ACP3: variants seen among roughly 807,000 people sequenced by gnomAD.
ACP3 encodes the protein acid phosphatase 3, also known as prostatic acid phosphatase.
Under a neutral mutation model 45.6 loss-of-function variants are expected in ACP3, and 38 were observed. The ratio of observed to expected loss-of-function variants is 0.83; its 90% CI spans 0.64 to 1.09. The LOEUF is 1.09. Ranked by LOEUF, ACP3 falls within the 50% of genes least tolerant of loss-of-function variation. ACP3 has a pLI of 0.00. For missense variants in ACP3, 466 were observed against 463.2 expected (o/e 1.01, Z -0.05); for synonymous variants, 162 against 164.7 (o/e 0.98, Z 0.13).
At chr3:132,350,476 CA>C (rs1225315264) in intron 8 of ACP3, among the ~76,000 whole-genome samples, 1 of 152,110 alleles carries the variant, frequency 6.6e-6, no homozygotes, top group Non-Finnish European at 1.5e-5. Flanking sequence ...CTGTGCTGCT[CA>C]ATATGGAACC....
chr3:132,326,373 T>C (rs2107795011), intron 1 of ACP3, among the ~76,000 whole-genome samples: 1 of 152,344 alleles, frequency 6.6e-6, no homozygotes, highest in East Asian at 1.9e-4. Flanking sequence ...TGTACTTCAA[T>C]TGTGGAAAGA....
At chr3:132,335,894 T>C (rs1420244110) in intron 4 of ACP3, among the ~76,000 whole-genome samples, 1 of 152,160 alleles carries the variant, frequency 6.6e-6, no homozygotes, top group Non-Finnish European at 1.5e-5. Flanking sequence ...TTAGGTAAAA[T>C]GGAAAGCCAA....
chr3:132,360,944 A>G (rs1384792959), downstream of ACP3, among the ~76,000 whole-genome samples: 1 of 152,196 alleles, frequency 6.6e-6, no homozygotes, highest in East Asian at 1.9e-4. Flanking sequence ...CTGCATACCT[A>G]GCATGGCTTC....
chr3:132,358,608 G>A lies in ACP3; in HGVS notation c.*1730G>A. The A allele has an allele frequency of 9.3e-7, 1 of 1,070,460 alleles. No individual in the cohort carries two copies. The highest frequency in any genetic ancestry group is 1.1e-6 in the Non-Finnish European group (1 of 871,694). 66.3% of individuals were successfully genotyped at this position (1,070,460 alleles called of 1,614,324 possible). A position where few individuals can be genotyped will look rare whatever the true frequency, so the allele number is the denominator to read the frequency against. The stretch of plus-strand genomic sequence containing the variant: ...CCCCGCTCCTGGTTGGTCACAGAAT[G>A]ACTGACAAAGACATCGATTGATATG... On this transcript the variant is annotated 3_prime_UTR_variant, in exon 10 of 10. Transcript: ENST00000336375.
At chr3:132,358,883 T>C, downstream of ACP3, 3 of 982,774 alleles carry the variant, frequency 3.1e-6, no homozygotes, top group Non-Finnish European at 3.6e-6. Context: ...TATAACAAGA[T>C]GGAAAATATT....
At chr3:132,326,847 T>C (rs1053585360) in intron 1 of ACP3, among the ~76,000 whole-genome samples, 2 of 152,244 alleles carry the variant, frequency 1.3e-5, no homozygotes, top group Admixed American at 6.5e-5. Flanking sequence ...CAAGGTGTTA[T>C]GCAGCTGTCT....
intron 7 of ACP3, 142 bp from the exon 8 acceptor site, chr3:132,349,778 G>C (rs1344168698): frequency 6.4e-6 from 4 of 628,052 alleles, no homozygotes; most frequent in Admixed American, 2.8e-5. Flanking sequence ...GCACAGAGCA[G>C]ATGCTCAATA....
At chr3:132,349,287 A>T (rs1216343453) in intron 7 of ACP3, among the ~76,000 whole-genome samples, 1 of 152,222 alleles carries the variant, frequency 6.6e-6, no homozygotes. Flanking sequence ...TCTACTGAAG[A>T]CAGACAGAAA....
intron 4 of ACP3, among the ~76,000 whole-genome samples, chr3:132,335,992 G>A (rs535661782): frequency 5.7e-4 from 87 of 152,322 alleles, no homozygotes; most frequent in African/African-American, 1.9e-3. Flanking sequence ...CGGGCGCGGT[G>A]GCTCACGCCT....
intron 9 of ACP3, among the ~76,000 whole-genome samples, chr3:132,356,337 G>A (rs548746491): frequency 6.6e-6 from 1 of 152,034 alleles, no homozygotes; most frequent in African/African-American, 2.4e-5. Flanking sequence ...GGGAGGAGGA[G>A]AAGGAAAACC....
At chr3:132,348,185 T>A (rs942360203) in intron 7 of ACP3, among the ~76,000 whole-genome samples, 1 of 152,170 alleles carries the variant, frequency 6.6e-6, no homozygotes, top group African/African-American at 2.4e-5. Context: ...AGACTAGAAA[T>A]GAAGGAAGCA....
At chr3:132,321,512 C>T (rs758964546) in intron 1 of ACP3, among the ~76,000 whole-genome samples, 1 of 152,118 alleles carries the variant, frequency 6.6e-6, no homozygotes, top group South Asian at 2.1e-4. Flanking sequence ...GAAACAGCAC[C>T]GTGCGCTGAG....
Position 132,366,131 on chromosome 3 carries a change from T to A in ACP3, c.1139-1573T>A, listed in dbSNP as rs553971923. Among the ~76,000 whole-genome samples, 3 of 151,972 alleles carry A rather than the reference T, an allele frequency of 2.0e-5. No homozygotes were observed. The East Asian group carries it at 5.8e-4, about 29-fold the overall frequency. ...GCCCGGGCAACATGACAAAACCCCA[T>A]CTCTACAAATAATACAAAAATTAGC... On this transcript the variant is annotated intron_variant, in intron 10 of 10. Transcript: ENST00000351273.
intron 1 of ACP3, among the ~76,000 whole-genome samples, chr3:132,322,206 G>A (rs932851668): frequency 6.6e-6 from 1 of 152,160 alleles, no homozygotes; most frequent in Non-Finnish European, 1.5e-5. Context: ...ATAATACACA[G>A]TTTTTACAGC....
At position 132,357,075 on chromosome 3, in the gene ACP3, C is replaced by A; in HGVS notation, c.*197C>A. 1 of 1,325,130 alleles carries A rather than the reference C, an allele frequency of 7.5e-7. No homozygotes were observed. The allele number at this position is 1,325,130 out of a possible 1,614,324, so 82.1% of individuals were successfully genotyped here. On this transcript the variant is annotated 3_prime_UTR_variant, in exon 10 of 10. Coordinates refer to ENST00000336375, the MANE Select transcript of ACP3 (RefSeq NM_001099.5). The stretch of plus-strand genomic sequence containing the variant: ...TGCCCCCACTTGCCATAAAACTTAG[C>A]TAAGTTTTGTTTTGTTTTTCAGCGT...
chr3:132,317,520 CT>C lies in ACP3; in HGVS notation c.71del (p.Phe24SerfsTer3). ...CCTTAGCCTTGGCTTCTTGTTTCTG[CT>C]TTTTTTCTGGCTAGACCGAAGTGTA... ...ASLSLGFLFL[L>X]FFWLDRSVLA... On this transcript the variant is annotated frameshift_variant, in exon 1 of 10. Transcript: ENST00000336375. LOFTEE classifies it high-confidence loss of function. The C allele has an allele frequency of 1.9e-6, 3 of 1,613,712 alleles. No homozygotes were observed. Among genetic ancestry groups the C allele is most frequent in the Non-Finnish European group, 2.5e-6 (3 of 1,179,828 alleles).
intron 1 of ACP3, among the ~76,000 whole-genome samples, chr3:132,327,104 A>C (rs1357981967): frequency 2.0e-5 from 3 of 152,288 alleles, no homozygotes; most frequent in African/African-American, 7.2e-5. Flanking sequence ...ATTGAGAATT[A>C]GCTTTCCTAA....
At chr3:132,322,782 A>G (rs1937229326) in intron 1 of ACP3, among the ~76,000 whole-genome samples, 1 of 152,252 alleles carries the variant, frequency 6.6e-6, no homozygotes, top group Non-Finnish European at 1.5e-5. Flanking sequence ...ATCCCAATGT[A>G]ACAGCCTTAA....
In ACP3 at chr3:132,356,944, A is replaced by T; in HGVS notation, c.*66A>T. 1 of 1,533,102 alleles carries T rather than the reference A, an allele frequency of 6.5e-7. No individual in the cohort carries two copies. The allele number at this position is 1,533,102 out of a possible 1,614,324, so 95.0% of individuals were successfully genotyped here. ...TCAGGGCAGATGATGCTTTGAGAAC[A>T]TACTTTGGCCATTACCCCCAGCTTT... On this transcript the variant is annotated 3_prime_UTR_variant, in exon 10 of 10. Coordinates refer to ENST00000336375, the MANE Select transcript of ACP3 (RefSeq NM_001099.5).
Sources: allele counts gnomAD v4.1 joint callset (sites outside exome capture counted in the v4.1 genomes callset), GRCh38; gene constraint gnomAD v4.1.1; transcripts MANE v1.5; gene names NCBI Gene and HGNC (gene_info 2026-07-23, HGNC 2026-07-21).